The following SYT1 variants were observed in gnomAD, a reference collection of about 807,000 sequenced individuals.
SYT1 encodes the protein synaptotagmin 1, also known as synaptotagmin-1.
SYT1 carries 8 observed loss-of-function variants against 44.8 expected under a neutral mutation model. That is an observed-to-expected ratio of 0.18 (90% confidence interval 0.10 to 0.32). The LOEUF (loss-of-function observed/expected upper bound fraction) is 0.32, where lower values mean the gene tolerates loss of function less well. SYT1 is among the 10% of genes least tolerant of loss of function. SYT1 has a pLI of 1.00. For synonymous variants in SYT1, 154 were observed against 188.8 expected, an observed-to-expected ratio of 0.82 and a Z score of 1.51; for missense variants, 286 against 509.3, an observed-to-expected ratio of 0.56 and a Z score of 4.22.
chr12:79,227,068 T>C (rs1389237694), intron 4 of SYT1, among the ~76,000 whole-genome samples: 1 of 152,292 alleles, frequency 6.6e-6, no homozygotes, highest in African/African-American at 2.4e-5. Flanking sequence ...ACAGCTTTAC[T>C]CTGTCACTTG....
At chr12:79,030,042 A>G (rs1268555837) in intron 2 of SYT1, among the ~76,000 whole-genome samples, 1 of 151,142 alleles carries the variant, frequency 6.6e-6, no homozygotes, top group Non-Finnish European at 1.5e-5. Context: ...GAATTTCAGT[A>G]TTAAATACAC....
At chr12:79,194,337 T>C (rs1156923050) in intron 3 of SYT1, among the ~76,000 whole-genome samples, 5 of 152,276 alleles carry the variant, frequency 3.3e-5, no homozygotes, top group South Asian at 4.1e-4. Flanking sequence ...TGTTTAATAA[T>C]GTAACTACTG....
chr12:79,308,578 GA>G (rs1392321491), intron 8 of SYT1, among the ~76,000 whole-genome samples: 237 of 134,136 alleles, frequency 1.8e-3, no homozygotes, highest in African/African-American at 6.7e-3. Context: ...AGAAAGAAAA[GA>G]AGGAAAAGAA....
intron 1 of SYT1, among the ~76,000 whole-genome samples, chr12:78,925,216 T>C (rs1402431800): frequency 6.6e-6 from 1 of 151,954 alleles, no homozygotes; most frequent in African/African-American, 2.4e-5. Flanking sequence ...TTCCCTTCTC[T>C]AATTTAGCAA....
At chr12:79,309,599 G>A (rs996314183) in intron 8 of SYT1, among the ~76,000 whole-genome samples, 34 of 152,182 alleles carry the variant, frequency 2.2e-4, no homozygotes, top group African/African-American at 8.2e-4. Context: ...TGAGGAATAA[G>A]TTATGTGATA....
At chr12:79,283,181 C>T (rs1468505303) in intron 4 of SYT1, among the ~76,000 whole-genome samples, 1 of 151,942 alleles carries the variant, frequency 6.6e-6, no homozygotes, top group Admixed American at 6.6e-5. Flanking sequence ...TTTATTTTGT[C>T]TATCTAAAGG....
chr12:78,903,393 G>A (rs1416597458), intron 1 of SYT1, among the ~76,000 whole-genome samples: 2 of 151,662 alleles, frequency 1.3e-5, no homozygotes, highest in Non-Finnish European at 2.9e-5. Context: ...TCAAGCTATC[G>A]TCCTGCCTCA....
chr12:78,950,519 A>G (rs968842935), intron 1 of SYT1, among the ~76,000 whole-genome samples: 1 of 152,098 alleles, frequency 6.6e-6, no homozygotes, highest in Admixed American at 6.6e-5. Context: ...TAAAATCAAA[A>G]CATTTGTTTG....
At chr12:78,914,507 A>AGATC (rs1220229870) in intron 1 of SYT1, among the ~76,000 whole-genome samples, 1 of 59,340 alleles carries the variant, frequency 1.7e-5, no homozygotes, top group Non-Finnish European at 3.3e-5. Context: ...TGCACATGTT[A>AGATC]GATAGATAGA....
chr12:79,229,605 T>A (rs1875741577), intron 4 of SYT1, among the ~76,000 whole-genome samples: 1 of 13,282 alleles, frequency 7.5e-5, no homozygotes, highest in African/African-American at 6.9e-4. Flanking sequence ...TATTTTTTTA[T>A]TTTTTTTAGA....
chr12:79,164,888 T>C (rs193152914), intron 3 of SYT1, among the ~76,000 whole-genome samples: 78 of 152,176 alleles, frequency 5.1e-4, no homozygotes, highest in Admixed American at 1.1e-3. Flanking sequence ...TTTATCCCTG[T>C]AGTTTAAGAC....
chr12:79,410,156 T>C (rs1014808523), intron 9 of SYT1, among the ~76,000 whole-genome samples: 1 of 152,164 alleles, frequency 6.6e-6, no homozygotes, highest in Non-Finnish European at 1.5e-5. Flanking sequence ...ATTAGCCACA[T>C]GAAGAAAACT....
At chr12:79,019,228 C>T (rs1005166483) in intron 2 of SYT1, among the ~76,000 whole-genome samples, 10 of 151,906 alleles carry the variant, frequency 6.6e-5, no homozygotes, top group African/African-American at 9.7e-5. Context: ...AATGTGATTT[C>T]GCAGTCTATA....
intron 8 of SYT1, among the ~76,000 whole-genome samples, chr12:79,326,682 C>T (rs989259261): frequency 7.9e-5 from 12 of 152,074 alleles, no homozygotes; most frequent in South Asian, 2.1e-4. Flanking sequence ...TCTCTGCCTG[C>T]GAGAGGCAGC....
intron 3 of SYT1, among the ~76,000 whole-genome samples, chr12:79,188,507 C>T (rs963306709): frequency 2.0e-5 from 3 of 152,026 alleles, no homozygotes; most frequent in Non-Finnish European, 4.4e-5. Flanking sequence ...TCTTGACTTC[C>T]TTTATCTTTA....
chr12:78,897,060 A>G (rs897266544), intron 1 of SYT1, among the ~76,000 whole-genome samples: 2 of 151,912 alleles, frequency 1.3e-5, no homozygotes, highest in African/African-American at 4.8e-5. Context: ...AACTGAAGGC[A>G]ATATATTCGA....
At chr12:79,300,285 A>C (rs751143061) in intron 8 of SYT1, among the ~76,000 whole-genome samples, 1 of 152,184 alleles carries the variant, frequency 6.6e-6, no homozygotes, top group Non-Finnish European at 1.5e-5. Flanking sequence ...GTAGACCAAT[A>C]CTAGAAAAGC....
At chr12:79,436,717 T>C (rs1295068890) in intron 9 of SYT1, among the ~76,000 whole-genome samples, 1 of 152,172 alleles carries the variant, frequency 6.6e-6, no homozygotes. Flanking sequence ...AACATTCTAG[T>C]GTATTGAAGT....
intron 8 of SYT1, among the ~76,000 whole-genome samples, chr12:79,331,544 T>G (rs1881854690): frequency 6.6e-6 from 1 of 152,180 alleles, no homozygotes; most frequent in Non-Finnish European, 1.5e-5. Flanking sequence ...TTTTGAGTTA[T>G]TTTCTTCTTT....
Sources: gnomAD v4.1 joint callset for allele counts (sites outside exome capture counted in the v4.1 genomes callset) on GRCh38, gnomAD v4.1.1 for gene constraint, MANE v1.5 for transcripts, NCBI Gene and HGNC (gene_info 2026-07-23, HGNC 2026-07-21) for gene names.